The following RIMS1 variants were observed in gnomAD, a reference collection of about 807,000 sequenced individuals.
The protein encoded by RIMS1 is regulating synaptic membrane exocytosis protein 1.
Under a neutral mutation model 214.1 loss-of-function variants are expected in RIMS1, and 83 were observed. The observed-to-expected ratio is 0.39, with a 90% CI of 0.32 to 0.47. The LOEUF (loss-of-function observed/expected upper bound fraction) is 0.47. Ranked by LOEUF, RIMS1 falls within the 20% of genes least tolerant of loss-of-function variation. The pLI, the probability that RIMS1 is intolerant of heterozygous loss-of-function variation, is 0.99. For missense variants in RIMS1, 2,050 were observed against 2,161.8 expected (o/e 0.95, Z 1.03); for synonymous variants, 793 against 786.8 (o/e 1.01, Z -0.13).
At chr6:72,319,409 C>T (rs1046891472) in intron 28 of RIMS1, among the ~76,000 whole-genome samples, 2 of 152,052 alleles carry the variant, frequency 1.3e-5, no homozygotes, top group African/African-American at 4.8e-5. Context: ...ATTCTGAAGT[C>T]TCAGAGGATA....
rs61651151 is a variant in RIMS1, at chr6:72,196,580, CTT to C, written c.1678+13453_1678+13454del. ...AGTACTGTGCTGGCAGCCAGCTGCA[CTT>C]TTTTTTTTTTTTTTTTTTTTTACCT... On this transcript the variant is annotated intron_variant, in intron 6 of 33. Transcript: ENST00000521978. Among the ~76,000 whole-genome samples the C allele has an allele frequency of 9.1e-4, 52 of 57,210 alleles. 3 individuals carry two copies. The highest frequency in any genetic ancestry group is 3.1e-3 in the African/African-American group (39 of 12,674). 37.5% of individuals were successfully genotyped at this position (57,210 alleles called of 152,430 possible).
intron 4 of RIMS1, among the ~76,000 whole-genome samples, chr6:72,176,753 A>T (rs1277010375): frequency 6.6e-6 from 1 of 152,234 alleles, no homozygotes; most frequent in Non-Finnish European, 1.5e-5. Flanking sequence ...TTAACAAAGC[A>T]TCACAGACTT....
At chr6:72,209,571 T>C (rs1184651730) in intron 6 of RIMS1, among the ~76,000 whole-genome samples, 4 of 152,198 alleles carry the variant, frequency 2.6e-5, no homozygotes, top group Non-Finnish European at 1.5e-5. Context: ...CTATGTCAGT[T>C]GGACTTTGTC....
At chr6:71,955,465 C>T (rs1037140894) in intron 1 of RIMS1, among the ~76,000 whole-genome samples, 1 of 152,168 alleles carries the variant, frequency 6.6e-6, no homozygotes, top group Non-Finnish European at 1.5e-5. Context: ...CCGTGCCCAA[C>T]TTATGAACAT....
chr6:72,354,372 A>T (rs1221165490), intron 29 of RIMS1, among the ~76,000 whole-genome samples: 1 of 152,140 alleles, frequency 6.6e-6, no homozygotes, highest in Non-Finnish European at 1.5e-5. Flanking sequence ...TACTTCTAAC[A>T]CTAAGCCCAA....
chr6:72,386,571 C>G (rs530439415), intron 29 of RIMS1, among the ~76,000 whole-genome samples: 1 of 152,276 alleles, frequency 6.6e-6, no homozygotes, highest in Non-Finnish European at 1.5e-5. Flanking sequence ...TTCCCTCTTT[C>G]CTCATAGCTT....
chr6:72,173,137 G>A (rs1354682552), intron 4 of RIMS1, among the ~76,000 whole-genome samples: 1 of 152,148 alleles, frequency 6.6e-6, no homozygotes, highest in African/African-American at 2.4e-5. Context: ...TCATTTTCCT[G>A]AAGACTATTG....
intron 23 of RIMS1, among the ~76,000 whole-genome samples, chr6:72,283,438 G>A (rs1389003904): frequency 1.3e-5 from 2 of 152,130 alleles, no homozygotes; most frequent in African/African-American, 2.4e-5. Flanking sequence ...TTAAAATGCT[G>A]TGTGCTTTTA....
intron 2 of RIMS1, among the ~76,000 whole-genome samples, chr6:72,008,231 T>G (rs1808643238): frequency 6.6e-6 from 1 of 151,858 alleles, no homozygotes; most frequent in African/African-American, 2.4e-5. Context: ...CTAAGCTTCA[T>G]AAGTGAAGGA....
At chr6:72,293,121 CTT>C (rs1043328734) in intron 26 of RIMS1, among the ~76,000 whole-genome samples, 3 of 151,902 alleles carry the variant, frequency 2.0e-5, no homozygotes, top group Non-Finnish European at 2.9e-5. Context: ...TTATGGAAAA[CTT>C]AGTGTAGATT....
chr6:72,389,981 T>C (rs1303241146), intron 29 of RIMS1, among the ~76,000 whole-genome samples: 7 of 152,172 alleles, frequency 4.6e-5, no homozygotes, highest in East Asian at 1.9e-4. Context: ...GAGGTAGCTG[T>C]GTAGTCTTTG....
intron 2 of RIMS1, among the ~76,000 whole-genome samples, chr6:72,009,503 A>C (rs1251548906): frequency 6.6e-6 from 1 of 152,062 alleles, no homozygotes; most frequent in Admixed American, 6.6e-5. Flanking sequence ...ATAGAGACAC[A>C]AAAAACCTTT....
chr6:72,291,964 T>A lies in RIMS1; in HGVS notation c.3768T>A (p.Ser1256=). The change falls in exon 26 of 34, where the codon TCT becomes TCA. Residue 1256 remains serine (S), a synonymous_variant. Coordinates refer to ENST00000521978, the MANE Select transcript of RIMS1 (RefSeq NM_014989.7). The part of the protein sequence containing the change: ...RMHRQRSPTQ[S]PPADTSFSSR... ...ACCGACAGAGAAGTCCAACACAATC[T>A]CCTCCAGCAGACACATCGTTCAGCA... 1.3e-6 allele frequency: 2 copies of A among 1,562,878 alleles called. No homozygotes were observed. Among genetic ancestry groups the A allele is most frequent in the South Asian group, 2.4e-5 (2 of 84,498 alleles).
At chr6:72,303,972 TTTATC>T (rs1184592464) in intron 26 of RIMS1, among the ~76,000 whole-genome samples, 1 of 151,588 alleles carries the variant, frequency 6.6e-6, no homozygotes, top group Non-Finnish European at 1.5e-5. Context: ...AGTAAATATC[TTTATC>T]TTTCGACTTT....
intron 4 of RIMS1, among the ~76,000 whole-genome samples, chr6:72,155,825 T>A (rs572666799): frequency 1.4e-5 from 2 of 140,506 alleles, no homozygotes; most frequent in East Asian, 4.0e-4. Flanking sequence ...AGATGAGATG[T>A]GGGTGGGGAC....
chr6:72,108,554 T>C (rs1380474107), intron 4 of RIMS1, among the ~76,000 whole-genome samples: 1 of 152,096 alleles, frequency 6.6e-6, no homozygotes, highest in South Asian at 2.1e-4. Context: ...TTCATGGAGA[T>C]TGAGGAAACA....
intron 29 of RIMS1, among the ~76,000 whole-genome samples, chr6:72,379,847 T>C (rs928183461): frequency 6.6e-5 from 10 of 152,118 alleles, no homozygotes; most frequent in African/African-American, 2.4e-4. Flanking sequence ...GAGTCCAGAG[T>C]TGCCCCTCAA....
intron 19 of RIMS1, chr6:72,262,960 T>C: frequency 4.2e-6 from 2 of 476,318 alleles, no homozygotes; most frequent in Non-Finnish European, 5.5e-6. Flanking sequence ...TTATATGTTA[T>C]GAATATTATT....
intron 1 of RIMS1, among the ~76,000 whole-genome samples, chr6:71,894,499 CT>C (rs995016013): frequency 1.4e-4 from 21 of 152,022 alleles, no homozygotes; most frequent in African/African-American, 4.8e-4. Context: ...CAGAATGATG[CT>C]TTTTATGGCA....
Sources: gnomAD v4.1 joint callset for allele counts (sites outside exome capture counted in the v4.1 genomes callset) on GRCh38, gnomAD v4.1.1 for gene constraint, MANE v1.5 for transcripts, NCBI Gene and HGNC (gene_info 2026-07-23, HGNC 2026-07-21) for gene names.